Variants in MSTO1 observed in about 807,000 individuals in gnomAD.
The protein encoded by MSTO1 is misato mitochondrial distribution and morphology regulator 1.
A neutral mutation model predicts 55.7 loss-of-function variants in MSTO1; 24 were observed. That is an observed-to-expected ratio of 0.43 (90% CI 0.31 to 0.61). The LOEUF (loss-of-function observed/expected upper bound fraction) is 0.61, where lower values mean the gene tolerates loss of function less well. Among genes scored for constraint, MSTO1 ranks in the 20% least tolerant of loss-of-function variants. The pLI is 0.09. For missense variants in MSTO1, 363 were observed against 625.7 expected (o/e 0.58, Z 4.48); for synonymous variants, 162 against 252.8 (o/e 0.64, Z 3.41).
chr1:155,577,991 G>A, the MSTO1 span, among the ~76,000 whole-genome samples: 42 of 152,222 alleles, frequency 2.8e-4, no homozygotes, highest in African/African-American at 9.4e-4. Flanking sequence ...TGATCCACCC[G>A]CCTTGGCCTC....
chr1:155,612,206 C>T lies in MSTO1; in HGVS notation c.703C>T (p.His235Tyr). ...LQGFQILCDL[H>Y]DGFSGVGAKA... is the part of the protein sequence containing the mutation. The stretch of plus-strand genomic sequence containing the variant: ...GGGCTTCCAGATCCTGTGTGACCTG[C>T]ACGATGGCTTCTCTGGGGTAGGCGC... The change falls in exon 8 of 14, where the codon CAC (histidine) becomes TAC (tyrosine). Residue 235 changes from histidine (H) to tyrosine (Y), a missense_variant. This residue lies in a region of MSTO1 where 231 missense variants were observed against 286.9 expected (regional missense o/e 0.81). Transcript: ENST00000245564. 6.2e-7 allele frequency: 1 copy of T among 1,612,968 alleles called. No homozygotes were observed. Among genetic ancestry groups the T allele is most frequent in the Non-Finnish European group, 8.5e-7 (1 of 1,179,304 alleles).
the MSTO1 span, among the ~76,000 whole-genome samples, chr1:155,569,488 A>T: frequency 8.3e-6 from 1 of 120,176 alleles, no homozygotes. Flanking sequence ...CCCAGGCTGG[A>T]GTGCAATGGC....
At chr1:155,580,684 C>T in the MSTO1 span, among the ~76,000 whole-genome samples, 30 of 152,014 alleles carry the variant, frequency 2.0e-4, no homozygotes, top group East Asian at 4.8e-3. Context: ...TTTGGGAGGC[C>T]GAGGTGGGCG....
chr1:155,571,602 T>C, the MSTO1 span, among the ~76,000 whole-genome samples: 1 of 152,174 alleles, frequency 6.6e-6, no homozygotes. Flanking sequence ...CTGTTGAAGT[T>C]TGTGATAATC....
chr1:155,574,887 T>G, the MSTO1 span, among the ~76,000 whole-genome samples: 4 of 150,862 alleles, frequency 2.7e-5, no homozygotes, highest in African/African-American at 9.7e-5. Context: ...TTTTTTTTTT[T>G]TGAGACGGAG....
chr1:155,609,961 C>T (rs1673461323), upstream of MSTO1: 1 of 464,206 alleles, frequency 2.2e-6, no homozygotes, highest in Non-Finnish European at 3.8e-6. Context: ...CCCTGGCGGC[C>T]CCAAGTCAGC....
chr1:155,600,210 C>T, the MSTO1 span, among the ~76,000 whole-genome samples: 4 of 152,196 alleles, frequency 2.6e-5, no homozygotes, highest in Non-Finnish European at 5.9e-5. Flanking sequence ...TGCGGGCTTC[C>T]GCAGTGTTTT....
the MSTO1 span, among the ~76,000 whole-genome samples, chr1:155,580,790 G>T: frequency 6.6e-6 from 1 of 151,286 alleles, no homozygotes; most frequent in Non-Finnish European, 1.5e-5. Context: ...GTGGTGGCAT[G>T]CATCTGTACT....
chr1:155,602,797 G>T, the MSTO1 span, among the ~76,000 whole-genome samples: 9 of 151,960 alleles, frequency 5.9e-5, no homozygotes, highest in African/African-American at 1.7e-4. Flanking sequence ...ACTTTTCAAG[G>T]TACAGCCTCC....
the MSTO1 span, among the ~76,000 whole-genome samples, chr1:155,575,891 C>T: frequency 2.0e-5 from 3 of 151,396 alleles, no homozygotes; most frequent in African/African-American, 7.3e-5. Flanking sequence ...GGCGTGATCT[C>T]GGCTCACTGC....
At chr1:155,590,451 G>C in the MSTO1 span, 1 of 473,290 alleles carries the variant, frequency 2.1e-6, no homozygotes, top group Non-Finnish European at 3.7e-6. Context: ...TCATCTTCTT[G>C]GTTCAGTTTT....
chr1:155,565,943 C>T, the MSTO1 span: 1 of 152,098 alleles, frequency 6.6e-6, no homozygotes, highest in African/African-American at 2.4e-5. Context: ...GTTACATGAC[C>T]AGGGAAAATT....
chr1:155,612,791 C>T (rs758833983), intron 9 of MSTO1, 53 bp from the exon 10 acceptor site: 85 of 1,606,058 alleles, frequency 5.3e-5, no homozygotes, highest in East Asian at 6.7e-5. Context: ...TCTGCCTCCA[C>T]ACATTCTTTT....
the MSTO1 span, among the ~76,000 whole-genome samples, chr1:155,583,900 G>A: frequency 6.6e-6 from 1 of 152,052 alleles, no homozygotes; most frequent in African/African-American, 2.4e-5. Context: ...AAATACTATT[G>A]GAGTGACATT....
the MSTO1 span, among the ~76,000 whole-genome samples, chr1:155,587,764 AG>A: frequency 3.3e-5 from 5 of 150,514 alleles, no homozygotes; most frequent in African/African-American, 9.7e-5. Flanking sequence ...AAAAAAAAAA[AG>A]GAATAACTGT....
the MSTO1 span, among the ~76,000 whole-genome samples, chr1:155,601,066 A>G: frequency 4.8e-5 from 6 of 124,978 alleles, no homozygotes; most frequent in Non-Finnish European, 9.7e-5. Flanking sequence ...GTGATCGCCC[A>G]CCTCGGCCTC....
chr1:155,610,666 AC>A lies in MSTO1; in HGVS notation c.220+108del. On this transcript the variant is annotated intron_variant, in intron 2 of 13. Coordinates refer to ENST00000245564, the MANE Select transcript of MSTO1 (RefSeq NM_018116.4). ...CCCTCCCACCTTACCGAGCTCCAGG[AC>A]CGGAGATGAGGAGCTGAGCACAACA... 1.6e-5 allele frequency: 22 copies of A among 1,370,364 alleles called. No individual in the cohort carries two copies. In the South Asian group the frequency reaches 2.8e-4, roughly 17 times the overall value. The allele number at this position is 1,370,364 out of a possible 1,614,324, so 84.9% of individuals were successfully genotyped here.
At chr1:155,608,472 G>T (rs1290557753), upstream of MSTO1, among the ~76,000 whole-genome samples, 1 of 150,564 alleles carries the variant, frequency 6.6e-6, no homozygotes, top group Non-Finnish European at 1.5e-5. Flanking sequence ...GAGCCTCTGC[G>T]CCCAACCAAT....
the MSTO1 span, chr1:155,586,775 T>G: frequency 2.3e-6 from 1 of 429,096 alleles, no homozygotes; most frequent in East Asian, 6.0e-5. Flanking sequence ...TTTAACTCAG[T>G]CTTGCTCTGT....
Sources: allele counts gnomAD v4.1 joint callset (sites outside exome capture counted in the v4.1 genomes callset), GRCh38; gene constraint gnomAD v4.1.1; regional missense constraint gnomAD v4.1.1; transcripts MANE v1.5; gene names NCBI Gene and HGNC (gene_info 2026-07-23, HGNC 2026-07-21).